ACAP2: variants seen among roughly 807,000 people sequenced by gnomAD.
ACAP2 encodes the protein arf-GAP with coiled-coil, ANK repeat and PH domain-containing protein 2.
ACAP2 carries 39 observed loss-of-function variants against 115.8 expected under a neutral mutation model. The observed-to-expected ratio is 0.34, with a 90% CI of 0.26 to 0.44. The LOEUF is 0.44. Ranked by LOEUF, ACAP2 falls within the 20% of genes least tolerant of loss-of-function variation. The pLI is 1.00. For missense variants in ACAP2, 662 were observed against 927.6 expected (o/e 0.71, Z 3.72); for synonymous variants, 289 against 315.8 (o/e 0.92, Z 0.90).
At chr3:195,421,290 T>C (rs1004443899) in intron 1 of ACAP2, among the ~76,000 whole-genome samples, 3 of 152,180 alleles carry the variant, frequency 2.0e-5, no homozygotes, top group African/African-American at 7.2e-5. Flanking sequence ...AAGAAGCTCC[T>C]CAGGTGATTC....
chr3:195,398,791 G>A (rs1488732511), intron 1 of ACAP2, among the ~76,000 whole-genome samples: 1 of 151,994 alleles, frequency 6.6e-6, no homozygotes, highest in Non-Finnish European at 1.5e-5. Context: ...TGCTCAAATT[G>A]ATCTACTAAG....
chr3:195,417,508 C>T (rs776641093), intron 1 of ACAP2, among the ~76,000 whole-genome samples: 69 of 152,158 alleles, frequency 4.5e-4, no homozygotes, highest in Non-Finnish European at 8.5e-4. Context: ...TCACTCTTAT[C>T]TCCACTAACT....
At chr3:195,346,576 A>T (rs1398311175) in intron 4 of ACAP2, among the ~76,000 whole-genome samples, 1 of 152,244 alleles carries the variant, frequency 6.6e-6, no homozygotes, top group East Asian at 1.9e-4. Flanking sequence ...CCCTGAACAC[A>T]GCTTAAAAGA....
At chr3:195,280,624 G>A (rs980677393) in intron 22 of ACAP2, 1 of 151,974 alleles carries the variant, frequency 6.6e-6, no homozygotes, top group Non-Finnish European at 1.5e-5. Context: ...AAAAATAAAC[G>A]TGTATATGTA....
chr3:195,434,861 T>C (rs73890827), intron 1 of ACAP2, among the ~76,000 whole-genome samples: 3,554 of 152,330 alleles, frequency 0.023, 139 homozygotes, highest in African/African-American at 0.08. Flanking sequence ...TAAGTTAATG[T>C]CATCAATTAT....
chr3:195,368,274 C>T (rs1048048250), intron 4 of ACAP2, among the ~76,000 whole-genome samples: 1 of 152,114 alleles, frequency 6.6e-6, no homozygotes, highest in Non-Finnish European at 1.5e-5. Flanking sequence ...CTCAGCCTCC[C>T]AAGTAGCTGG....
At chr3:195,370,913 T>C (rs1400998946) in intron 4 of ACAP2, among the ~76,000 whole-genome samples, 4 of 149,890 alleles carry the variant, frequency 2.7e-5, no homozygotes, top group Admixed American at 6.7e-5. Flanking sequence ...GATTGTGCCA[T>C]TGCACTCCAG....
chr3:195,304,191 A>C (rs866562882), intron 13 of ACAP2, among the ~76,000 whole-genome samples: 26 of 134,730 alleles, frequency 1.9e-4, no homozygotes, highest in African/African-American at 6.8e-4. Flanking sequence ...AAAAAAAAAA[A>C]AAAACTTCCC....
Position 195,307,274 on chromosome 3 carries a change from T to C in ACAP2, c.959A>G (p.His320Arg), listed in dbSNP as rs751150138. The change falls in exon 12 of 23, where the codon CAT becomes CGT. Residue 320 changes from histidine (H) to arginine (R), a missense_variant. By Grantham distance (29) the His-to-Arg change is conservative (BLOSUM62 0). This residue lies in a region of ACAP2 where 401 missense variants were observed against 604.4 expected (regional missense o/e 0.66). Coordinates refer to ENST00000326793, the MANE Select transcript of ACAP2 (RefSeq NM_012287.6). ...VEDLRLCTVK[H>R]CEDIERRFCF... ...GAATCGTCGCTCTATGTCTTCACAATGTTTCACTGTGCAAAGCCTGAGGTC... is the reference window on the plus strand; with the variant it reads ...GAATCGTCGCTCTATGTCTTCACAACGTTTCACTGTGCAAAGCCTGAGGTC... The C allele has an allele frequency of 4.3e-6, 7 of 1,613,532 alleles. No homozygotes were observed. The highest frequency in any genetic ancestry group is 1.7e-4 in the Middle Eastern group (1 of 6,056).
intron 1 of ACAP2, among the ~76,000 whole-genome samples, chr3:195,434,301 C>G (rs1427560780): frequency 6.6e-6 from 1 of 152,070 alleles, no homozygotes; most frequent in Non-Finnish European, 1.5e-5. Context: ...GGCGCAAATA[C>G]AGCTCACTGT....
chr3:195,405,351 C>T (rs544582702), intron 1 of ACAP2, among the ~76,000 whole-genome samples: 1 of 152,182 alleles, frequency 6.6e-6, no homozygotes, highest in South Asian at 2.1e-4. Flanking sequence ...ATTTCATCAA[C>T]TGTTAAGGAT....
chr3:195,438,885 C>A (rs902177350), intron 1 of ACAP2, among the ~76,000 whole-genome samples: 4 of 151,998 alleles, frequency 2.6e-5, no homozygotes, highest in Admixed American at 2.0e-4. Flanking sequence ...CATGGTGAAA[C>A]TCCGTTTCTA....
chr3:195,359,182 A>C (rs1211946188), intron 4 of ACAP2, among the ~76,000 whole-genome samples: 2 of 152,220 alleles, frequency 1.3e-5, no homozygotes, highest in Non-Finnish European at 2.9e-5. Flanking sequence ...GAAATGCTAC[A>C]GGGAGGTTCT....
intron 4 of ACAP2, among the ~76,000 whole-genome samples, chr3:195,362,273 G>A (rs954363333): frequency 6.1e-5 from 9 of 146,352 alleles, no homozygotes; most frequent in South Asian, 2.2e-4. Context: ...CCGAGATTGC[G>A]CCACTGCACT....
chr3:195,367,615 C>T (rs1732816211), intron 4 of ACAP2, among the ~76,000 whole-genome samples: 1 of 152,178 alleles, frequency 6.6e-6, no homozygotes, highest in South Asian at 2.1e-4. Context: ...CTGAGTCTTG[C>T]TTTGATCAAA....
chr3:195,419,106 C>G (rs1577451463), intron 1 of ACAP2, among the ~76,000 whole-genome samples: 1 of 151,938 alleles, frequency 6.6e-6, no homozygotes, highest in Non-Finnish European at 1.5e-5. Flanking sequence ...AATACCATAC[C>G]CATTTGAAGT....
At chr3:195,397,509 T>C (rs1177773161) in intron 1 of ACAP2, among the ~76,000 whole-genome samples, 1 of 152,146 alleles carries the variant, frequency 6.6e-6, no homozygotes, top group Non-Finnish European at 1.5e-5. Context: ...ACTTTTATAA[T>C]GTGAATGGCC....
intron 5 of ACAP2, among the ~76,000 whole-genome samples, chr3:195,343,920 G>A (rs1234576793): frequency 6.6e-6 from 1 of 152,182 alleles, no homozygotes; most frequent in South Asian, 2.1e-4. Flanking sequence ...TCATCACAAA[G>A]TAATTTATAA....
At chr3:195,296,503 T>TTTAATTTAA (rs1727664525) in intron 16 of ACAP2, among the ~76,000 whole-genome samples, 1 of 152,194 alleles carries the variant, frequency 6.6e-6, no homozygotes, top group African/African-American at 2.4e-5. Flanking sequence ...CTCAGTCTTG[T>TTTAATTTAA]TTTAGTAAAT....
Sources: allele counts gnomAD v4.1 joint callset (sites outside exome capture counted in the v4.1 genomes callset), GRCh38; gene constraint gnomAD v4.1.1; regional missense constraint gnomAD v4.1.1; transcripts MANE v1.5; gene names NCBI Gene and HGNC (gene_info 2026-07-23, HGNC 2026-07-21).